The following MYT1L variants were observed in gnomAD, a reference collection of about 807,000 sequenced individuals.
The protein encoded by MYT1L is myelin transcription factor 1 like.
In MYT1L, 12 loss-of-function variants were observed where a neutral mutation model predicts 126.7. That is an observed-to-expected ratio of 0.09 (90% confidence interval 0.06 to 0.15). The LOEUF is 0.15. Ranked by LOEUF, MYT1L falls within the 10% of genes least tolerant of loss-of-function variation. The pLI, the probability that MYT1L is intolerant of heterozygous loss-of-function variation, is 1.00. For synonymous variants in MYT1L, 541 were observed against 604.2 expected, an observed-to-expected ratio of 0.90 and a Z score of 1.53; for missense variants, 979 against 1,585.2, an observed-to-expected ratio of 0.62 and a Z score of 6.49.
chr2:2,145,703 A>T (rs1420395738), intron 3 of MYT1L, among the ~76,000 whole-genome samples: 1 of 152,134 alleles, frequency 6.6e-6, no homozygotes, highest in East Asian at 1.9e-4. Flanking sequence ...CCAGAAAAAG[A>T]TACCTGTAAT....
intron 3 of MYT1L, among the ~76,000 whole-genome samples, chr2:2,081,306 A>G (rs1303769450): frequency 6.6e-6 from 1 of 152,170 alleles, no homozygotes; most frequent in African/African-American, 2.4e-5. Context: ...AGTTTTATTT[A>G]GTTTGTAAAA....
At chr2:2,187,976 A>G (rs1482065982) in intron 2 of MYT1L, among the ~76,000 whole-genome samples, 2 of 152,212 alleles carry the variant, frequency 1.3e-5, no homozygotes, top group Admixed American at 6.5e-5. Context: ...ATATATATGC[A>G]TATTTGCCTC....
At chr2:2,217,087 A>AT (rs1356824621) in intron 2 of MYT1L, among the ~76,000 whole-genome samples, 2 of 152,252 alleles carry the variant, frequency 1.3e-5, no homozygotes, top group African/African-American at 4.8e-5. Context: ...TATGAATTGC[A>AT]TCAAACATTC....
intron 3 of MYT1L, among the ~76,000 whole-genome samples, chr2:2,136,958 A>T (rs981266468): frequency 6.6e-6 from 1 of 152,184 alleles, no homozygotes; most frequent in Non-Finnish European, 1.5e-5. Flanking sequence ...TCAGCCCAAA[A>T]TCTCCTTAAG....
At chr2:2,130,023 G>T (rs1483339740) in intron 3 of MYT1L, among the ~76,000 whole-genome samples, 2 of 151,994 alleles carry the variant, frequency 1.3e-5, no homozygotes, top group Non-Finnish European at 2.9e-5. Context: ...GTGGGAAAAG[G>T]CACCATAGGT....
At chr2:2,013,310 T>A (rs1053027052) in intron 4 of MYT1L, among the ~76,000 whole-genome samples, 6 of 152,132 alleles carry the variant, frequency 3.9e-5, no homozygotes, top group African/African-American at 1.4e-4. Context: ...GAATGACGCA[T>A]GGGAACCCCC....
intron 1 of MYT1L, chr2:2,326,656 T>C (rs2096249427): frequency 6.6e-6 from 1 of 152,140 alleles, no homozygotes; most frequent in South Asian, 2.1e-4. Context: ...AACAGCCTAA[T>C]ACAGCAATGC....
intron 2 of MYT1L, among the ~76,000 whole-genome samples, chr2:2,256,165 GCA>G (rs2094806935): frequency 6.6e-6 from 1 of 152,242 alleles, no homozygotes; most frequent in Non-Finnish European, 1.5e-5. Context: ...GTAGATGTGA[GCA>G]CAGTGTTCTC....
At position 1,889,547 on chromosome 2, in the gene MYT1L, G is replaced by T. The variant is rs1472627774; in HGVS notation, c.2284-70C>A. On this transcript the variant is annotated intron_variant, in intron 15 of 24. Transcript: ENST00000647738. This position sits in a 1 kb window ranked among gnomAD's most constrained non-coding sequence, Gnocchi z 4.1. ...GTGACACCACGAGTCCTTCCTCCCA[G>T]ATTACAGTCCTGCCGTCAGCCAGTG... 45 of 1,267,598 alleles carry T rather than the reference G, an allele frequency of 3.6e-5. No individual in the cohort carries two copies. In the South Asian group the frequency reaches 5.1e-4, roughly 14 times the overall value. 78.5% of individuals were successfully genotyped at this position (1,267,598 alleles called of 1,614,324 possible).
At chr2:2,196,158 C>G (rs1171696402) in intron 2 of MYT1L, among the ~76,000 whole-genome samples, 1 of 151,954 alleles carries the variant, frequency 6.6e-6, no homozygotes. Flanking sequence ...CCAGCAGTTA[C>G]TGACAGCTCA....
At chr2:2,271,194 G>A (rs1039763784) in intron 2 of MYT1L, among the ~76,000 whole-genome samples, 2 of 152,154 alleles carry the variant, frequency 1.3e-5, no homozygotes, top group African/African-American at 4.8e-5. Context: ...GGTCACAGGG[G>A]GACACAGTGC....
chr2:1,820,672 A>C (rs2038392906), intron 21 of MYT1L, among the ~76,000 whole-genome samples: 10 of 151,938 alleles, frequency 6.6e-5, no homozygotes, highest in Admixed American at 6.6e-4. Flanking sequence ...TCAGCCTCCC[A>C]AATAGCTATG....
intron 18 of MYT1L, among the ~76,000 whole-genome samples, chr2:1,857,669 C>A (rs1253623344): frequency 6.6e-6 from 1 of 151,974 alleles, no homozygotes; most frequent in East Asian, 1.9e-4. Context: ...TATAATCAGG[C>A]CTTACCTATA....
intron 5 of MYT1L, among the ~76,000 whole-genome samples, chr2:1,984,674 T>A (rs571329446): frequency 2.6e-4 from 40 of 151,842 alleles, no homozygotes; most frequent in Non-Finnish European, 5.4e-4. Context: ...CATGCCCGGC[T>A]AATTTTTTGT....
intron 19 of MYT1L, among the ~76,000 whole-genome samples, chr2:1,850,210 T>C (rs866622866): frequency 2.3e-5 from 1 of 43,996 alleles, no homozygotes; most frequent in African/African-American, 9.7e-5. Flanking sequence ...CTTCCTTCCT[T>C]CCTTCCTTCC....
At chr2:2,047,249 T>C (rs2068296788) in intron 4 of MYT1L, among the ~76,000 whole-genome samples, 2 of 152,238 alleles carry the variant, frequency 1.3e-5, no homozygotes, top group African/African-American at 4.8e-5. Context: ...TGGACCTAAA[T>C]ATGCTCTTCA....
intron 16 of MYT1L, among the ~76,000 whole-genome samples, chr2:1,888,462 G>T (rs1187272743): frequency 6.6e-6 from 1 of 152,132 alleles, no homozygotes; most frequent in East Asian, 1.9e-4. Context: ...TTTCTACATG[G>T]GGCTAATATT....
intron 1 of MYT1L, among the ~76,000 whole-genome samples, chr2:2,316,808 T>C (rs541761607): frequency 6.6e-6 from 1 of 152,226 alleles, no homozygotes; most frequent in Non-Finnish European, 1.5e-5. Context: ...TTCTTTCCTT[T>C]TATTTATTTA....
rs2150139768 is a variant in MYT1L, at chr2:2,059,395, C to T, written c.-303-5272G>A. On this transcript the variant is annotated intron_variant, in intron 3 of 24. Transcript: ENST00000647738. This position sits in a 1 kb window ranked among gnomAD's most constrained non-coding sequence, Gnocchi z 4.7. ...GACGGTCTCGTGGCACCATAGTAAG[C>T]ACCCGGCGGCGGTCTCACAGCACCG... Among the ~76,000 whole-genome samples the T allele has an allele frequency of 6.6e-6, 1 of 152,302 alleles. No individual in the cohort carries two copies. The highest frequency in any genetic ancestry group is 6.5e-5 in the Admixed American group (1 of 15,310).
Sources: allele counts gnomAD v4.1 joint callset (sites outside exome capture counted in the v4.1 genomes callset), GRCh38; gene constraint gnomAD v4.1.1; non-coding constraint Gnocchi (gnomAD v3.1); transcripts MANE v1.5; gene names NCBI Gene and HGNC (gene_info 2026-07-23, HGNC 2026-07-21).